Variants in SLC14A2 observed in about 807,000 individuals in gnomAD.
The protein encoded by SLC14A2 is solute carrier family 14 member 2.
SLC14A2 carries 91 observed loss-of-function variants against 104.6 expected under a neutral mutation model. The ratio of observed to expected loss-of-function variants is 0.87; its 90% confidence interval spans 0.73 to 1.04. SLC14A2 has a LOEUF of 1.04. Among genes scored for constraint, SLC14A2 ranks in the 50% least tolerant of loss-of-function variants. The pLI, the probability that SLC14A2 is intolerant of heterozygous loss-of-function variation, is 0.00. For synonymous variants in SLC14A2, 476 were observed against 466.4 expected, an observed-to-expected ratio of 1.02 and a Z score of -0.27; for missense variants, 1,189 against 1,156.0, an observed-to-expected ratio of 1.03 and a Z score of -0.41.
intron 1 of SLC14A2, among the ~76,000 whole-genome samples, chr18:45,615,953 C>T (rs909999639): frequency 1.3e-5 from 2 of 152,122 alleles, no homozygotes; most frequent in South Asian, 4.2e-4. Flanking sequence ...GGCACCATGG[C>T]CATGTTAGGG....
intron 2 of SLC14A2, among the ~76,000 whole-genome samples, chr18:45,604,831 G>T (rs926962993): frequency 2.6e-5 from 4 of 152,112 alleles, no homozygotes; most frequent in African/African-American, 9.7e-5. Flanking sequence ...ATTTTGGAGG[G>T]CCTAATCTCA....
At chr18:45,478,653 C>A (rs935046460) in intron 1 of SLC14A2, among the ~76,000 whole-genome samples, 3 of 152,106 alleles carry the variant, frequency 2.0e-5, no homozygotes, top group Non-Finnish European at 4.4e-5. Flanking sequence ...AAAAGGAAGG[C>A]GTGAAGAGCC....
At chr18:45,477,032 G>A (rs1020144796) in intron 1 of SLC14A2, among the ~76,000 whole-genome samples, 1 of 152,166 alleles carries the variant, frequency 6.6e-6, no homozygotes, top group Non-Finnish European at 1.5e-5. Flanking sequence ...TTGCTGGCGG[G>A]GAGTTGTGAT....
rs770197839 is a variant in SLC14A2 at position 45,643,197 on chromosome 18, C to T, written c.1176+16C>T. 2 of 1,610,950 alleles carry T rather than the reference C, an allele frequency of 1.2e-6. No homozygotes were observed. Among genetic ancestry groups the T allele is most frequent in the East Asian group, 2.2e-5 (1 of 44,880 alleles). On this transcript the variant is annotated intron_variant, in intron 9 of 19. Coordinates refer to ENST00000255226, the MANE Select transcript of SLC14A2 (RefSeq NM_007163.4). ...CATGTCAGTGGTAAGTGTGGATTCTCCTGAACACTACCCCAAAGTGCTCTT... is the reference window on the plus strand; with the variant it reads ...CATGTCAGTGGTAAGTGTGGATTCTTCTGAACACTACCCCAAAGTGCTCTT...
intron 1 of SLC14A2, among the ~76,000 whole-genome samples, chr18:45,411,186 C>A (rs1312208643): frequency 6.6e-6 from 1 of 152,158 alleles, no homozygotes; most frequent in Non-Finnish European, 1.5e-5. Context: ...ACATTGAGAA[C>A]TGACTCTGTG....
At chr18:45,429,872 C>T (rs2086487851) in intron 1 of SLC14A2, among the ~76,000 whole-genome samples, 1 of 152,122 alleles carries the variant, frequency 6.6e-6, no homozygotes, top group African/African-American at 2.4e-5. Flanking sequence ...ACAGAAAGAA[C>T]CTGGTTCCCT....
rs1244075818 is a variant in SLC14A2, at chr18:45,630,742, G to T, written c.522-1608G>T. On this transcript the variant is annotated intron_variant, in intron 4 of 19. Transcript: ENST00000255226. ...TCCCAAAACATGGATTTCTGCTCCT[G>T]AAGTGCTCCCCAGTGGTCTTCTCTG... 3.3e-5 allele frequency among the ~76,000 whole-genome samples: 5 copies of T among 152,112 alleles called. No individual in the cohort carries two copies. In the South Asian group the frequency reaches 6.2e-4, roughly 19 times the overall value.
At chr18:45,512,225 C>T (rs982934739) in intron 2 of SLC14A2, among the ~76,000 whole-genome samples, 1 of 152,120 alleles carries the variant, frequency 6.6e-6, no homozygotes, top group African/African-American at 2.4e-5. Context: ...GAATTCCAGT[C>T]CCCATCAGAT....
intron 2 of SLC14A2, among the ~76,000 whole-genome samples, chr18:45,594,422 C>G (rs1226877174): frequency 1.3e-5 from 2 of 152,170 alleles, no homozygotes; most frequent in Non-Finnish European, 2.9e-5. Context: ...GAAAATGGCA[C>G]CGCAGGTTTT....
intron 1 of SLC14A2, among the ~76,000 whole-genome samples, chr18:45,617,339 T>C (rs574884065): frequency 6.8e-4 from 103 of 152,086 alleles, no homozygotes; most frequent in Non-Finnish European, 1.2e-3. Flanking sequence ...ACCAGAAAGA[T>C]AAAGCCCCTG....
At position 45,225,617 on chromosome 18, in the gene SLC14A2, T is replaced by C. The variant is rs889189693; in HGVS notation, c.-125+12426T>C. On this transcript the variant is annotated intron_variant, in intron 1 of 20. Coordinates refer to the SLC14A2 transcript ENST00000586448. Reference sequence around the variant, plus strand: ...ATTCTCATGATATTGATTCTTCCTATCCATGAGCATGGAATGTTCTTCCAT... The same window carrying C: ...ATTCTCATGATATTGATTCTTCCTACCCATGAGCATGGAATGTTCTTCCAT... Among the ~76,000 whole-genome samples the C allele has an allele frequency of 2.4e-3, 371 of 152,036 alleles. 3 individuals carry two copies. Among genetic ancestry groups the C allele is most frequent in the Admixed American group, 4.1e-3 (62 of 15,240 alleles).
intron 1 of SLC14A2, among the ~76,000 whole-genome samples, chr18:45,374,863 T>A (rs1393665416): frequency 3.3e-5 from 5 of 152,136 alleles, no homozygotes; most frequent in Non-Finnish European, 5.9e-5. Context: ...AAGCATCTGA[T>A]CCCAAACAAG....
the SLC14A2 span, among the ~76,000 whole-genome samples, chr18:45,179,686 CAATT>C: frequency 1.3e-4 from 20 of 151,736 alleles, no homozygotes; most frequent in African/African-American, 4.1e-4. Flanking sequence ...AACTTAAACA[CAATT>C]AATCTGGATT....
At chr18:45,492,016 C>G (rs1336790710) in intron 2 of SLC14A2, 2 of 152,248 alleles carry the variant, frequency 1.3e-5, no homozygotes, top group Non-Finnish European at 2.9e-5. Flanking sequence ...TCTGCCACAT[C>G]CCCAGGACTC....
chr18:45,328,850 C>A (rs1004404725), intron 1 of SLC14A2, among the ~76,000 whole-genome samples: 50 of 152,136 alleles, frequency 3.3e-4, no homozygotes, highest in African/African-American at 1.1e-3. Context: ...CAAACAAACT[C>A]AAAAAAAGTA....
intron 1 of SLC14A2, among the ~76,000 whole-genome samples, chr18:45,371,971 T>A (rs1314438319): frequency 2.0e-5 from 3 of 152,180 alleles, no homozygotes; most frequent in Non-Finnish European, 1.5e-5. Context: ...AGATAAGGCC[T>A]TGGGTGGGAA....
intron 2 of SLC14A2, 60 bp from the exon 3 acceptor site, chr18:45,625,623 C>T: frequency 7.1e-7 from 1 of 1,417,524 alleles, no homozygotes; most frequent in Non-Finnish European, 9.5e-7. Context: ...CCTCTATCCC[C>T]AAATGTCCCT....
chr18:45,623,562 G>C (rs994248827), intron 1 of SLC14A2, among the ~76,000 whole-genome samples: 5 of 152,174 alleles, frequency 3.3e-5, no homozygotes, highest in Admixed American at 2.0e-4. Context: ...TGGAGAGTAA[G>C]AATTCCTCTC....
rs568477539 is a variant in SLC14A2 at position 45,254,792 on chromosome 18, G to A, written c.-125+41601G>A. Among the ~76,000 whole-genome samples the A allele has an allele frequency of 5.3e-5, 8 of 152,246 alleles. No homozygotes were observed. The South Asian group carries it at 1.7e-3, about 32-fold the overall frequency. ...GGGTTTCCGTTTGCAGCAGCCTGGAGGGGGCCACGTTCTTCCTGCGCCCCA... is the reference window on the plus strand; with the variant it reads ...GGGTTTCCGTTTGCAGCAGCCTGGAAGGGGCCACGTTCTTCCTGCGCCCCA... On this transcript the variant is annotated intron_variant, in intron 1 of 20. Transcript: ENST00000586448.
Sources: allele counts gnomAD v4.1 joint callset (sites outside exome capture counted in the v4.1 genomes callset), GRCh38; gene constraint gnomAD v4.1.1; transcripts MANE v1.5; gene names NCBI Gene and HGNC (gene_info 2026-07-23, HGNC 2026-07-21).